Variants in TOLLIP observed in about 807,000 individuals in gnomAD.
TOLLIP encodes the protein toll-interacting protein.
Under a neutral mutation model 33.5 loss-of-function variants are expected in TOLLIP, and 16 were observed. The ratio of observed to expected loss-of-function variants is 0.48; its 90% CI spans 0.32 to 0.72. The LOEUF (loss-of-function observed/expected upper bound fraction) is 0.72, where lower values mean the gene tolerates loss of function less well. Among genes scored for constraint, TOLLIP ranks in the 30% least tolerant of loss-of-function variants. The pLI is 0.03. For synonymous variants in TOLLIP, 176 were observed against 163.7 expected (o/e 1.07, Z -0.57); for missense variants, 325 against 396.6 (o/e 0.82, Z 1.53).
At chr11:1,294,283 T>C (rs1864041714) in intron 2 of TOLLIP, among the ~76,000 whole-genome samples, 1 of 95,980 alleles carries the variant, frequency 1.0e-5, no homozygotes, top group Admixed American at 1.1e-4. Context: ...CCTGCATTTC[T>C]ACGAAAGCCC....
At chr11:1,294,004 T>G (rs186191440) in intron 2 of TOLLIP, among the ~76,000 whole-genome samples, 50 of 152,404 alleles carry the variant, frequency 3.3e-4, no homozygotes, top group African/African-American at 1.2e-3. Context: ...GCAAGTCTTA[T>G]TTGTGAGGTC....
At chr11:1,285,244 G>C (rs1225012915) in intron 5 of TOLLIP, among the ~76,000 whole-genome samples, 1 of 152,198 alleles carries the variant, frequency 6.6e-6, no homozygotes, top group South Asian at 2.1e-4. Context: ...CCGTGCAGAG[G>C]GACCAGTGCT....
chr11:1,298,286 C>T (rs5743927), intron 1 of TOLLIP: 3 of 152,204 alleles, frequency 2.0e-5, no homozygotes, highest in Non-Finnish European at 4.4e-5. Context: ...CCTGGGCACA[C>T]GTAGGGGACA....
chr11:1,281,971 A>C (rs901370737), intron 5 of TOLLIP, among the ~76,000 whole-genome samples: 18 of 152,204 alleles, frequency 1.2e-4, no homozygotes, highest in African/African-American at 3.9e-4. Flanking sequence ...GGCTGCCGGG[A>C]GGATGGGCTG....
Position 1,278,181 on chromosome 11 carries a change from G to A in TOLLIP, c.611-928C>T, listed in dbSNP as rs994803462. ...ACGAGCAGCCCTGAGCACAGGCAGC[G>A]TGCGCGGGGCTCAGCGACCAGTGAG... On this transcript the variant is annotated intron_variant, in intron 5 of 5. Coordinates refer to ENST00000317204, the MANE Select transcript of TOLLIP (RefSeq NM_019009.4). This position sits in a 1 kb window ranked among gnomAD's most constrained non-coding sequence, Gnocchi z 4.7. Among the ~76,000 whole-genome samples, 14 of 151,446 alleles carry A rather than the reference G, an allele frequency of 9.2e-5. No individual in the cohort carries two copies. Among genetic ancestry groups the A allele is most frequent in the Admixed American group, 9.2e-4 (14 of 15,252 alleles).
chr11:1,288,326 G>A (rs756962046), intron 4 of TOLLIP, among the ~76,000 whole-genome samples: 4 of 152,204 alleles, frequency 2.6e-5, no homozygotes, highest in South Asian at 2.1e-4. Flanking sequence ...GGGGTCCTCC[G>A]AGGACACAGG....
intron 1 of TOLLIP, 41 bp downstream of exon 1, chr11:1,309,425 C>G: frequency 8.3e-7 from 1 of 1,211,650 alleles, no homozygotes; most frequent in Non-Finnish European, 1.0e-6. Flanking sequence ...CCCGCAACCG[C>G]AGGTCACCGC....
At chr11:1,308,449 C>A (rs954335362) in intron 1 of TOLLIP, among the ~76,000 whole-genome samples, 9 of 152,234 alleles carry the variant, frequency 5.9e-5, no homozygotes, top group Non-Finnish European at 1.0e-4. Flanking sequence ...CCTGCAGAAC[C>A]GGGAGCCAAT....
chr11:1,281,404 G>A (rs1863493079), intron 5 of TOLLIP, among the ~76,000 whole-genome samples: 1 of 152,116 alleles, frequency 6.6e-6, no homozygotes, highest in East Asian at 1.9e-4. Flanking sequence ...TCCTCGTGAG[G>A]GCTCAGCCAG....
At chr11:1,284,071 C>T (rs5743990) in intron 5 of TOLLIP, among the ~76,000 whole-genome samples, 119 of 152,332 alleles carry the variant, frequency 7.8e-4, no homozygotes, top group African/African-American at 2.1e-3. Flanking sequence ...TCAGAACCTC[C>T]AGGAGCCACT....
intron 5 of TOLLIP, among the ~76,000 whole-genome samples, chr11:1,279,481 G>A (rs1328420631): frequency 6.6e-6 from 1 of 152,178 alleles, no homozygotes; most frequent in Non-Finnish European, 1.5e-5. Flanking sequence ...GGGGCCTGGC[G>A]GAGAGCAAAG....
At chr11:1,297,481 G>A (rs1305090533) in intron 1 of TOLLIP, among the ~76,000 whole-genome samples, 1 of 152,256 alleles carries the variant, frequency 6.6e-6, no homozygotes, top group Non-Finnish European at 1.5e-5. Context: ...CCAAGTTCGG[G>A]AAGCTCTCTG....
At chr11:1,281,545 G>C (rs1454382573) in intron 5 of TOLLIP, among the ~76,000 whole-genome samples, 1 of 152,194 alleles carries the variant, frequency 6.6e-6, no homozygotes, top group Non-Finnish European at 1.5e-5. Context: ...ACCCTGTGCG[G>C]GGGTCTCTGG....
chr11:1,279,454 G>A (rs1218610127), intron 5 of TOLLIP, among the ~76,000 whole-genome samples: 1 of 152,230 alleles, frequency 6.6e-6, no homozygotes, highest in Non-Finnish European at 1.5e-5. Flanking sequence ...ACTTCAGGAG[G>A]ACAGACCAGG....
intron 4 of TOLLIP, among the ~76,000 whole-genome samples, chr11:1,286,573 C>A (rs552932974): frequency 6.6e-6 from 1 of 151,212 alleles, no homozygotes; most frequent in Non-Finnish European, 1.5e-5. Flanking sequence ...GTCACTGCAC[C>A]GCTGTCGTCT....
In TOLLIP at chr11:1,276,591, G is replaced by C. The variant is rs1291493076; in HGVS notation, c.*448C>G. 3 of 1,135,344 alleles carry C rather than the reference G, an allele frequency of 2.6e-6. No homozygotes were observed. The highest frequency in any genetic ancestry group is 1.2e-4 in the East Asian group (2 of 17,122). 70.3% of individuals were successfully genotyped at this position (1,135,344 alleles called of 1,614,324 possible). A position where few individuals can be genotyped will look rare whatever the true frequency, so the allele number is the denominator to read the frequency against. ...GGCAAGGGCGTGAGTTTTCGTCTGG[G>C]AAGTTCTAAAAAAAACCCACAGTGT... On this transcript the variant is annotated 3_prime_UTR_variant, in exon 6 of 6. Coordinates refer to ENST00000317204, the MANE Select transcript of TOLLIP (RefSeq NM_019009.4).
In TOLLIP at chr11:1,290,684, G is replaced by A. The variant is rs5743952; in HGVS notation, c.184-275C>T. Among the ~76,000 whole-genome samples, 525 of 152,244 alleles carry A rather than the reference G, an allele frequency of 3.4e-3. 2 individuals carry two copies. The highest frequency in any genetic ancestry group is 0.011 in the African/African-American group (470 of 41,546). On this transcript the variant is annotated intron_variant, in intron 2 of 5. Transcript: ENST00000317204. This position sits in a 1 kb window ranked among gnomAD's most constrained non-coding sequence, Gnocchi z 4.9. Reference sequence around the variant, plus strand: ...GACGCTCACAGACACAGCTGAGGCCGCCACTCACCCACCATGAAGGGCGCA... The same window carrying A: ...GACGCTCACAGACACAGCTGAGGCCACCACTCACCCACCATGAAGGGCGCA...
intron 5 of TOLLIP, among the ~76,000 whole-genome samples, chr11:1,283,106 G>A (rs1401679459): frequency 1.3e-5 from 2 of 152,216 alleles, no homozygotes; most frequent in Non-Finnish European, 2.9e-5. Flanking sequence ...CCCGCCGTGA[G>A]GGACGAGCAA....
chr11:1,279,889 C>T (rs1255585459), intron 5 of TOLLIP, among the ~76,000 whole-genome samples: 1 of 152,156 alleles, frequency 6.6e-6, no homozygotes, highest in African/African-American at 2.4e-5. Flanking sequence ...GGCATGTGGC[C>T]CTGGGCTCCA....
Sources: gnomAD v4.1 joint callset for allele counts (sites outside exome capture counted in the v4.1 genomes callset) on GRCh38, gnomAD v4.1.1 for gene constraint, Gnocchi (gnomAD v3.1) non-coding constraint, MANE v1.5 for transcripts, NCBI Gene and HGNC (gene_info 2026-07-23, HGNC 2026-07-21) for gene names.